The following FAM169A variants were observed in gnomAD, a reference collection of about 807,000 sequenced individuals.
FAM169A encodes soluble lamin-associated protein of 75 kDa.
FAM169A carries 24 observed loss-of-function variants against 75.7 expected under a neutral mutation model. That is an observed-to-expected ratio of 0.32 (90% CI 0.23 to 0.45). The LOEUF (loss-of-function observed/expected upper bound fraction) is 0.45. Among genes scored for constraint, FAM169A ranks in the 20% least tolerant of loss-of-function variants. FAM169A has a pLI of 1.00. For synonymous variants in FAM169A, 271 were observed against 271.0 expected, an observed-to-expected ratio of 1.00 and a Z score of 0.00; for missense variants, 673 against 784.0, an observed-to-expected ratio of 0.86 and a Z score of 1.69.
intron 10 of FAM169A, chr5:74,799,325 T>C: frequency 6.2e-7 from 1 of 1,604,494 alleles, no homozygotes; most frequent in Non-Finnish European, 8.5e-7. Flanking sequence ...GAGAACAAAT[T>C]TGCTGTGGGA....
At chr5:74,845,275 T>G (rs1434093737) in intron 1 of FAM169A, among the ~76,000 whole-genome samples, 2 of 152,208 alleles carry the variant, frequency 1.3e-5, no homozygotes, top group Admixed American at 1.3e-4. Flanking sequence ...TCCCAGCACT[T>G]TGGGAGGCTG....
At chr5:74,825,150 T>A (rs1008391115) in intron 5 of FAM169A, among the ~76,000 whole-genome samples, 3 of 152,164 alleles carry the variant, frequency 2.0e-5, no homozygotes, top group Admixed American at 2.0e-4. Context: ...TCTCTCATCC[T>A]CCAAAGTCTC....
chr5:74,797,850 T>C (rs770350882), intron 10 of FAM169A, among the ~76,000 whole-genome samples: 2 of 152,150 alleles, frequency 1.3e-5, no homozygotes, highest in Admixed American at 6.6e-5. Flanking sequence ...AACTCTGCCG[T>C]TCCAATGCAA....
chr5:74,831,091 G>A (rs1748286722), intron 5 of FAM169A, among the ~76,000 whole-genome samples: 1 of 152,028 alleles, frequency 6.6e-6, no homozygotes, highest in Admixed American at 6.6e-5. Flanking sequence ...AAGGATTTCT[G>A]CCCACAGACA....
At chr5:74,865,662 T>C (rs907645898) in intron 1 of FAM169A, 5 of 152,194 alleles carry the variant, frequency 3.3e-5, no homozygotes, top group African/African-American at 1.2e-4. Context: ...GTTCCAAAAG[T>C]AGTTACAGGT....
At chr5:74,799,928 TGA>T in intron 10 of FAM169A, 1 of 853,018 alleles carries the variant, frequency 1.2e-6, no homozygotes, top group South Asian at 1.3e-5. Context: ...GGGCCACGAC[TGA>T]GGGCTCCAAC....
chr5:74,782,025 TG>T lies in FAM169A; in HGVS notation c.1465-18del. 1.9e-6 allele frequency: 3 copies of T among 1,580,904 alleles called. No homozygotes were observed. Among genetic ancestry groups the T allele is most frequent in the Non-Finnish European group, 2.6e-6 (3 of 1,161,556 alleles). On this transcript the variant is annotated intron_variant, in intron 12 of 12. Transcript: ENST00000687041. ...ACGTGGGGTCTGAAAATTAAAAACCTGGTCAACAAATAAACTTGTACTACAG... is the reference window on the plus strand; with the variant it reads ...ACGTGGGGTCTGAAAATTAAAAACCTGTCAACAAATAAACTTGTACTACAG...
chr5:74,861,768 T>C (rs751593496), intron 1 of FAM169A, among the ~76,000 whole-genome samples: 2 of 152,224 alleles, frequency 1.3e-5, no homozygotes, highest in African/African-American at 4.8e-5. Context: ...CTAAAACTTA[T>C]TGAAGTCATC....
intron 5 of FAM169A, among the ~76,000 whole-genome samples, chr5:74,815,387 C>T (rs1380156498): frequency 6.6e-6 from 1 of 151,978 alleles, no homozygotes; most frequent in Non-Finnish European, 1.5e-5. Flanking sequence ...ACAGGGGTTT[C>T]ACCATGTTGA....
At chr5:74,793,043 T>C (rs1015030442) in intron 11 of FAM169A, among the ~76,000 whole-genome samples, 1 of 152,156 alleles carries the variant, frequency 6.6e-6, no homozygotes, top group South Asian at 2.1e-4. Flanking sequence ...GTGGTATATA[T>C]AGGCCAGGCA....
chr5:74,841,520 T>A (rs1341834862), intron 2 of FAM169A, 25 bp downstream of exon 2: 1 of 1,542,544 alleles, frequency 6.5e-7, no homozygotes, highest in South Asian at 1.3e-5. Context: ...AAAAGATTGA[T>A]GACAATCACT....
chr5:74,835,438 C>T (rs1263516785), intron 4 of FAM169A, among the ~76,000 whole-genome samples: 2 of 151,512 alleles, frequency 1.3e-5, no homozygotes, highest in Non-Finnish European at 1.5e-5. Flanking sequence ...CCCGTCTCTA[C>T]AAAAAATACA....
intron 2 of FAM169A, 96 bp downstream of exon 2, chr5:74,841,449 G>A: frequency 1.1e-6 from 1 of 944,480 alleles, no homozygotes; most frequent in Non-Finnish European, 1.5e-6. Context: ...AAAAATTAAT[G>A]ATTAACACTT....
rs59139246 is a variant in FAM169A, at chr5:74,810,819, CTTTTTTTT to C, written c.670+3013_670+3020del. Reference sequence around the variant, plus strand: ...AATTATAACTTAATAGATATTTGCCCTTTTTTTTTTTTTTTTTTTTGAAACAGGATCTG... The same window carrying C: ...AATTATAACTTAATAGATATTTGCCCTTTTTTTTTTTTGAAACAGGATCTG... On this transcript the variant is annotated intron_variant, in intron 6 of 12. Coordinates refer to ENST00000687041, the MANE Select transcript of FAM169A (RefSeq NM_001376049.1). Among the ~76,000 whole-genome samples, 114 of 115,200 alleles carry C rather than the reference CTTTTTTTT, an allele frequency of 9.9e-4. 1 individual carries two copies. The highest frequency in any genetic ancestry group is 1.7e-3 in the Admixed American group (17 of 10,250). 75.6% of individuals were successfully genotyped at this position (115,200 alleles called of 152,430 possible).
At chr5:74,824,904 T>A (rs1338018775) in intron 5 of FAM169A, among the ~76,000 whole-genome samples, 1 of 152,092 alleles carries the variant, frequency 6.6e-6, no homozygotes, top group Non-Finnish European at 1.5e-5. Context: ...GGTGAGAATT[T>A]AGCTCTTAAA....
At chr5:74,795,996 T>A (rs1207383659) in intron 11 of FAM169A, 34 bp downstream of exon 11, 1 of 1,593,334 alleles carries the variant, frequency 6.3e-7, no homozygotes, top group South Asian at 1.1e-5. Flanking sequence ...TTTAGTTTAC[T>A]TTTTTTCATT....
Position 74,845,758 on chromosome 5 carries a change from G to C in FAM169A, c.-3-4079C>G, listed in dbSNP as rs192728122. 2.3e-3 allele frequency among the ~76,000 whole-genome samples: 346 copies of C among 152,254 alleles called. 1 individual carries two copies. Among genetic ancestry groups the C allele is most frequent in the Non-Finnish European group, 3.1e-3 (209 of 68,030 alleles). ...AAGATTTGCAGCCAACTTTTCAAAA[G>C]CCTATGAATTTCAAGAGAGATCAAC... On this transcript the variant is annotated intron_variant, in intron 1 of 12. Coordinates refer to ENST00000687041, the MANE Select transcript of FAM169A (RefSeq NM_001376049.1).
Position 74,798,191 on chromosome 5 carries a change from G to A in FAM169A, c.1104-2005C>T, listed in dbSNP as rs928218611. 3.3e-5 allele frequency among the ~76,000 whole-genome samples: 5 copies of A among 152,120 alleles called. No homozygotes were observed. The South Asian group carries it at 8.3e-4, about 25-fold the overall frequency. ...TTCCATTACTGTTCTATCACAATCC[G>A]CCTTACGGTGCTCTTAACTGTGTAC... On this transcript the variant is annotated intron_variant, in intron 10 of 12. Transcript: ENST00000687041.
intron 1 of FAM169A, among the ~76,000 whole-genome samples, chr5:74,844,079 T>C (rs1320271814): frequency 1.3e-5 from 2 of 152,078 alleles, no homozygotes; most frequent in Non-Finnish European, 2.9e-5. Flanking sequence ...AAAAGTAAGA[T>C]GGAAAGAAAA....
Sources: allele counts gnomAD v4.1 joint callset (sites outside exome capture counted in the v4.1 genomes callset), GRCh38; gene constraint gnomAD v4.1.1; transcripts MANE v1.5; gene names NCBI Gene and HGNC (gene_info 2026-07-23, HGNC 2026-07-21).